The following BRD2 variants were observed in gnomAD, a reference collection of about 807,000 sequenced individuals.
BRD2 encodes the protein bromodomain containing 2, also known as bromodomain-containing protein 2.
BRD2 carries 15 observed loss-of-function variants against 79.1 expected under a neutral mutation model. The ratio of observed to expected loss-of-function variants is 0.19; its 90% confidence interval spans 0.13 to 0.29. BRD2 has a LOEUF of 0.29. Ranked by LOEUF, BRD2 falls within the 10% of genes least tolerant of loss-of-function variation. BRD2 has a pLI of 1.00. For missense variants in BRD2, 1,053 were observed against 991.3 expected (o/e 1.06, Z -0.84); for synonymous variants, 488 against 358.6 (o/e 1.36, Z -4.08).
In BRD2 at chr6:32,971,753, T is replaced by A. The variant is rs1021455759; in HGVS notation, c.-1146T>A. ...TACGAATGGCACGACCTGCTCGAGCTTGGCAGTCTCCAGTTGGGCTGTGCA... is the reference window on the plus strand; with the variant it reads ...TACGAATGGCACGACCTGCTCGAGCATGGCAGTCTCCAGTTGGGCTGTGCA... On this transcript the variant is annotated 5_prime_UTR_variant, in exon 2 of 13. In the 5' UTR this introduces an upstream ATG that the reference lacks. Coordinates refer to ENST00000374825, the MANE Select transcript of BRD2 (RefSeq NM_005104.4). The A allele has an allele frequency of 5.1e-6, 3 of 589,144 alleles. No homozygotes were observed. Among genetic ancestry groups the A allele is most frequent in the Non-Finnish European group, 6.0e-6 (2 of 332,698 alleles). 36.5% of individuals were successfully genotyped at this position (589,144 alleles called of 1,614,324 possible). A position where few individuals can be genotyped will look rare whatever the true frequency, so the allele number is the denominator to read the frequency against.
Position 32,976,902 on chromosome 6 carries a change from T to C in BRD2, c.1166T>C (p.Ile389Thr). The C allele has an allele frequency of 6.2e-7, 1 of 1,612,790 alleles. No individual in the cohort carries two copies. Among genetic ancestry groups the C allele is most frequent in the Non-Finnish European group, 8.5e-7 (1 of 1,179,826 alleles). The change falls in exon 7 of 13, where the codon ATC (isoleucine) becomes ACC (threonine). Residue 389 changes from isoleucine to threonine, a missense_variant. Ile to Thr is a moderately conservative substitution (Grantham distance 89). Transcript: ENST00000374825. The part of the protein sequence containing the change: ...SALGLHDYHD[I>T]IKHPMDLSTV... Reference sequence around the variant, plus strand: ...CTTGGCCTGCATGACTACCATGACATCATTAAGCACCCCATGGACCTCAGC... The same window carrying C: ...CTTGGCCTGCATGACTACCATGACACCATTAAGCACCCCATGGACCTCAGC...
At position 32,972,609 on chromosome 6, in the gene BRD2, G is replaced by T; in HGVS notation, c.-290G>T. 1.8e-6 allele frequency: 1 copy of T among 566,920 alleles called. No homozygotes were observed. The highest frequency in any genetic ancestry group is 4.6e-4 in the Middle Eastern group (1 of 2,160). The allele number at this position is 566,920 out of a possible 1,614,324, so 35.1% of individuals were successfully genotyped here. On this transcript the variant is annotated 5_prime_UTR_variant, in exon 2 of 13. Coordinates refer to ENST00000374825, the MANE Select transcript of BRD2 (RefSeq NM_005104.4). ...ATATTGACGACGGTGTCTGAGATCG[G>T]GGACCGTCTTTTGAAGAGTCAGTCC...
In BRD2 at chr6:32,980,790, T is replaced by G; in HGVS notation, c.*72T>G. On this transcript the variant is annotated 3_prime_UTR_variant, in exon 13 of 13. Coordinates refer to ENST00000374825, the MANE Select transcript of BRD2 (RefSeq NM_005104.4). ...TAGACCACCCTGCCCCACCTGCCCC[T>G]TCCCCCTTTGCTGTGACACTTCTTC... 5.1e-6 allele frequency: 8 copies of G among 1,558,124 alleles called. No individual in the cohort carries two copies. The highest frequency in any genetic ancestry group is 7.0e-6 in the Non-Finnish European group (8 of 1,137,928).
At chr6:32,975,103 A>T in intron 3 of BRD2, 1 of 1,510,286 alleles carries the variant, frequency 6.6e-7, no homozygotes, top group Middle Eastern at 1.7e-4. Flanking sequence ...ATGGATAGCC[A>T]GCCCCAGAGG....
rs1582868948 is a variant in BRD2, at chr6:32,968,616, A to G, written c.-1745A>G. The G allele has an allele frequency of 6.5e-6, 1 of 152,888 alleles. No individual in the cohort carries two copies. The highest frequency in any genetic ancestry group is 1.9e-4 in the East Asian group (1 of 5,158). 9.5% of individuals were successfully genotyped at this position (152,888 alleles called of 1,614,324 possible). On this transcript the variant is annotated 5_prime_UTR_variant, in exon 1 of 13. It removes an upstream start codon present in the reference 5' UTR. Transcript: ENST00000374825. ...TGTGTGTTCCTGGTCTGCGGCAGCC[A>G]TGCTGAACTCGTATGGAGAGGCGAG...
At position 32,979,945 on chromosome 6, in the gene BRD2, C is replaced by A; in HGVS notation, c.1959C>A (p.Asp653Glu). Residue 653 changes from aspartate (D) to glutamate (E), a missense_variant, in exon 11 of 13, where the codon GAC (aspartate) becomes GAA (glutamate). Coordinates refer to ENST00000374825, the MANE Select transcript of BRD2 (RefSeq NM_005104.4). Reference sequence around the variant, plus strand: ...ATGAGAAGCGGCAGCTGAGCCTGGACATCAACAAATTACCTGGGGAGAAGC... The same window carrying A: ...ATGAGAAGCGGCAGCTGAGCCTGGAAATCAACAAATTACCTGGGGAGAAGC... ...SYDEKRQLSL[D>E]INKLPGEKLG... 1.2e-6 allele frequency: 2 copies of A among 1,613,200 alleles called. No individual in the cohort carries two copies. The highest frequency in any genetic ancestry group is 2.2e-5 in the South Asian group (2 of 91,084).
chr6:32,980,582 C>G lies in BRD2; in HGVS notation c.2270C>G (p.Ala757Gly). The G allele has an allele frequency of 6.2e-7, 1 of 1,613,126 alleles. No individual in the cohort carries two copies. Among genetic ancestry groups the G allele is most frequent in the Non-Finnish European group, 8.5e-7 (1 of 1,180,034 alleles). The change falls in exon 13 of 13, where the codon GCG becomes GGG. Residue 757 changes from alanine to glycine, a missense_variant and splice_region_variant. Physicochemically the swap from Ala to Gly is moderately conservative, Grantham distance 60. This residue lies in a region of BRD2 where 139 missense variants were observed against 133.2 expected (regional missense o/e 1.04). Transcript: ENST00000374825. The part of the protein sequence containing the change: ...LNSTKKPPKK[A>G]NEKTESSSAQ... ...TTTAACTTTCGAATTTGTTCTGCAGCGAATGAGAAAACAGAGTCATCCTCT... is the reference window on the plus strand; with the variant it reads ...TTTAACTTTCGAATTTGTTCTGCAGGGAATGAGAAAACAGAGTCATCCTCT...
At chr6:32,973,085 G>T in intron 2 of BRD2, 158 bp downstream of exon 2, 1 of 1,575,358 alleles carries the variant, frequency 6.3e-7, no homozygotes. Context: ...GACGGTTTTG[G>T]AACGGTGGTG....
intron 1 of BRD2, among the ~76,000 whole-genome samples, chr6:32,969,588 A>C (rs1159887141): frequency 6.6e-6 from 1 of 152,174 alleles, no homozygotes; most frequent in Non-Finnish European, 1.5e-5. Flanking sequence ...CGCAGGCTGG[A>C]GGTTACGCTT....
chr6:32,974,746 C>T lies in BRD2; in HGVS notation c.314C>T (p.Ala105Val), dbSNP rs138290874. 2.7e-4 allele frequency: 434 copies of T among 1,613,710 alleles called. 1 individual carries two copies. Among genetic ancestry groups the T allele is most frequent in the Non-Finnish European group, 1.8e-4 (217 of 1,179,836 alleles). ...FAWPFRQPVD[A>V]VKLGLPDYHK... ...TGGCCATTCCGGCAGCCTGTGGATG[C>T]TGTCAAACTGGGTCTACCGGTGAGT... The change falls in exon 3 of 13, where the codon GCT becomes GTT. Residue 105 changes from alanine to valine, a missense_variant. By Grantham distance (64) the Ala-to-Val change is moderately conservative. This residue lies in a region of BRD2 where 413 missense variants were observed against 335.1 expected (regional missense o/e 1.23). Coordinates refer to ENST00000374825, the MANE Select transcript of BRD2 (RefSeq NM_005104.4).
rs775419506 is a variant in BRD2, at chr6:32,976,730, C to T, written c.994C>T (p.Pro332Ser). ...RPIKPPRKDL[P>S]DSQQQHQSSK... ...CATCAAGCCCCCACGCAAAGACTTG[C>T]CTGACTCTCAGCAACAACACCAGAG... is the stretch of plus-strand genomic sequence containing the variant. The change falls in exon 7 of 13, where the codon CCT (proline) becomes TCT (serine). Residue 332 changes from proline to serine, a missense_variant. Transcript: ENST00000374825. 3 of 1,613,280 alleles carry T rather than the reference C, an allele frequency of 1.9e-6. No homozygotes were observed. The highest frequency in any genetic ancestry group is 2.5e-6 in the Non-Finnish European group (3 of 1,180,038).
chr6:32,972,107 G>T lies in BRD2; in HGVS notation c.-792G>T. 2 of 692,590 alleles carry T rather than the reference G, an allele frequency of 2.9e-6. No individual in the cohort carries two copies. The highest frequency in any genetic ancestry group is 2.0e-5 in the Admixed American group (1 of 48,956). The allele number at this position is 692,590 out of a possible 1,614,324, so 42.9% of individuals were successfully genotyped here. A position where few individuals can be genotyped will look rare whatever the true frequency, so the allele number is the denominator to read the frequency against. ...GAGCGAGCGCGCGCGCGCGGAGGGG[G>T]TGGGGAAAAGCTCAAGCAGGGTGGC... On this transcript the variant is annotated 5_prime_UTR_variant, in exon 2 of 13. Coordinates refer to ENST00000374825, the MANE Select transcript of BRD2 (RefSeq NM_005104.4).
chr6:32,974,907 G>A, intron 3 of BRD2, 142 bp downstream of exon 3: 2 of 1,381,976 alleles, frequency 1.4e-6, no homozygotes, highest in Middle Eastern at 2.0e-4. Flanking sequence ...CAGATTTCTG[G>A]GTATCTTGGT....
intron 3 of BRD2, 194 bp downstream of exon 3, chr6:32,974,959 A>G (rs1047999289): frequency 4.3e-5 from 62 of 1,448,868 alleles, no homozygotes; most frequent in African/African-American, 8.4e-5. Flanking sequence ...CTATCTTGGC[A>G]TCTTTCCTTG....
chr6:32,975,279 AGG>A (rs750121705), intron 3 of BRD2, 103 bp from the exon 4 acceptor site: 56,083 of 645,962 alleles, frequency 0.087, 697 homozygotes, highest in South Asian at 0.12. Context: ...TTTGATGCAT[AGG>A]GGGGGTGTGT....
chr6:32,972,675 C>T lies in BRD2; in HGVS notation c.-224C>T, dbSNP rs898467365. 8 of 634,030 alleles carry T rather than the reference C, an allele frequency of 1.3e-5. No homozygotes were observed. The highest frequency in any genetic ancestry group is 1.9e-5 in the South Asian group (1 of 52,058). The allele number at this position is 634,030 out of a possible 1,614,324, so 39.3% of individuals were successfully genotyped here. ...CCTCAGCTGAGGCCGCCGCCATTTT[C>T]TTGCTGTCCGCCGTCTGCAGAGCGC... On this transcript the variant is annotated 5_prime_UTR_variant, in exon 2 of 13. Transcript: ENST00000374825.
chr6:32,977,575 G>T lies in BRD2; in HGVS notation c.1329+5G>T. The T allele has an allele frequency of 6.2e-7, 1 of 1,613,896 alleles. No individual in the cohort carries two copies. Among genetic ancestry groups the T allele is most frequent in the Non-Finnish European group, 8.5e-7 (1 of 1,179,982 alleles). On this transcript the variant is annotated splice_donor_5th_base_variant and intron_variant, in intron 8 of 12. Coordinates refer to ENST00000374825, the MANE Select transcript of BRD2 (RefSeq NM_005104.4). ...GCAATGGCACGAAAGCTACAGGTGA[G>T]TGGAAAGGTTGGAGTTTGAAAAATA...
chr6:32,977,154 T>G, intron 7 of BRD2: 1 of 1,322,540 alleles, frequency 7.6e-7, no homozygotes, highest in Non-Finnish European at 1.0e-6. Flanking sequence ...AAAAATACTG[T>G]CTATAATTAA....
intron 10 of BRD2, chr6:32,979,611 TTGTC>T (rs963048268): frequency 1.7e-6 from 1 of 574,644 alleles, no homozygotes; most frequent in African/African-American, 1.9e-5. Flanking sequence ...TGTACGTACA[TTGTC>T]TTTTTAAAGA....
Sources: gnomAD v4.1 joint callset for allele counts (sites outside exome capture counted in the v4.1 genomes callset) on GRCh38, gnomAD v4.1.1 for gene constraint, gnomAD v4.1.1 regional missense constraint, MANE v1.5 for transcripts, NCBI Gene and HGNC (gene_info 2026-07-23, HGNC 2026-07-21) for gene names.